Variants in MIPOL1 observed in about 807,000 individuals in gnomAD.
MIPOL1 encodes the protein mirror-image polydactyly 1, also known as mirror-image polydactyly gene 1 protein.
A neutral mutation model predicts 60.9 loss-of-function variants in MIPOL1; 57 were observed. The ratio of observed to expected loss-of-function variants is 0.94; its 90% confidence interval spans 0.76 to 1.17. MIPOL1 has a LOEUF of 1.17. Among genes scored for constraint, MIPOL1 ranks in the 50% most tolerant of loss-of-function variants. The pLI, the probability that MIPOL1 is intolerant of heterozygous loss-of-function variation, is 0.00. For missense variants in MIPOL1, 551 were observed against 511.6 expected, an observed-to-expected ratio of 1.08 and a Z score of -0.74; for synonymous variants, 179 against 168.8, an observed-to-expected ratio of 1.06 and a Z score of -0.47.
chr14:37,411,124 TCAGA>T (rs932144190), intron 10 of MIPOL1, among the ~76,000 whole-genome samples: 6 of 152,104 alleles, frequency 3.9e-5, no homozygotes, highest in Non-Finnish European at 8.8e-5. Flanking sequence ...AAAAAGCATA[TCAGA>T]CAAACACTAT....
intron 1 of MIPOL1, among the ~76,000 whole-genome samples, chr14:37,216,933 A>T (rs2139422168): frequency 6.6e-6 from 1 of 152,294 alleles, no homozygotes; most frequent in East Asian, 1.9e-4. Context: ...TAAAGATCTG[A>T]ATAGAAATAA....
At chr14:37,495,158 T>G (rs893855970) in intron 11 of MIPOL1, among the ~76,000 whole-genome samples, 29 of 151,670 alleles carry the variant, frequency 1.9e-4, no homozygotes, top group Admixed American at 1.7e-3. Context: ...TACTTTAAGT[T>G]TTAGGGTACA....
chr14:37,456,944 G>A (rs923686806), intron 11 of MIPOL1, among the ~76,000 whole-genome samples: 1 of 152,046 alleles, frequency 6.6e-6, no homozygotes, highest in Non-Finnish European at 1.5e-5. Context: ...CTTGAAAATT[G>A]TAACTAATAT....
At chr14:37,280,870 G>A (rs113326097) in intron 6 of MIPOL1, among the ~76,000 whole-genome samples, 4 of 152,170 alleles carry the variant, frequency 2.6e-5, no homozygotes, top group African/African-American at 7.2e-5. Context: ...TGTTGGTCAG[G>A]CTAATTGTTA....
intron 1 of MIPOL1, among the ~76,000 whole-genome samples, chr14:37,224,828 A>G (rs1005597115): frequency 1.3e-5 from 2 of 152,220 alleles, no homozygotes; most frequent in African/African-American, 4.8e-5. Context: ...CCAAAGCCTT[A>G]ACTGTTACAA....
At position 37,308,491 on chromosome 14, in the gene MIPOL1, TAGA is replaced by T; in HGVS notation, c.805_807del (p.Glu269del). ...ACTGCAGAAGAAATGAGTGCACTAA[TAGA>T]AGAACGGGATGCTGCCTTGTCTAAG... On this transcript the variant is annotated inframe_deletion, in exon 9 of 13. Coordinates refer to ENST00000684589, the MANE Select transcript of MIPOL1 (RefSeq NM_001388067.1). 4 of 1,591,846 alleles carry T rather than the reference TAGA, an allele frequency of 2.5e-6. No homozygotes were observed. The highest frequency in any genetic ancestry group is 3.4e-6 in the Non-Finnish European group (4 of 1,171,750).
At chr14:37,476,946 G>A (rs1424484254) in intron 11 of MIPOL1, among the ~76,000 whole-genome samples, 36 of 142,462 alleles carry the variant, frequency 2.5e-4, no homozygotes, top group Non-Finnish European at 3.7e-4. Context: ...TGTCACCCAG[G>A]CTGGAGTGCA....
At chr14:37,511,351 T>C (rs1482250249) in intron 12 of MIPOL1, among the ~76,000 whole-genome samples, 3 of 152,192 alleles carry the variant, frequency 2.0e-5, no homozygotes, top group Non-Finnish European at 2.9e-5. Flanking sequence ...GAATAGCCCA[T>C]TGTGATTTAG....
chr14:37,435,235 C>T (rs1449856527), intron 11 of MIPOL1, among the ~76,000 whole-genome samples: 1 of 152,176 alleles, frequency 6.6e-6, no homozygotes, highest in East Asian at 1.9e-4. Context: ...ACTCCAGCCA[C>T]ACTAGGTTCC....
intron 6 of MIPOL1, chr14:37,278,248 A>G (rs1354408675): frequency 1.3e-5 from 2 of 151,646 alleles, no homozygotes; most frequent in African/African-American, 2.4e-5. Flanking sequence ...GGCATCTACC[A>G]TCTATTTTAA....
In MIPOL1 at chr14:37,273,721, A is replaced by G. The variant is rs1363803359; in HGVS notation, c.493+3196A>G. ...AGTCACATTGATCCAGGTTCAAATTACAGCTTGGATACTTGATATTGATTC... is the reference window on the plus strand; with the variant it reads ...AGTCACATTGATCCAGGTTCAAATTGCAGCTTGGATACTTGATATTGATTC... On this transcript the variant is annotated intron_variant, in intron 6 of 12. Coordinates refer to ENST00000684589, the MANE Select transcript of MIPOL1 (RefSeq NM_001388067.1). Among the ~76,000 whole-genome samples the G allele has an allele frequency of 4.6e-5, 7 of 151,458 alleles. No homozygotes were observed. In the East Asian group the frequency reaches 1.3e-3, roughly 29 times the overall value.
intron 9 of MIPOL1, among the ~76,000 whole-genome samples, chr14:37,355,382 GT>G (rs1437357541): frequency 7.2e-6 from 1 of 138,190 alleles, no homozygotes; most frequent in Non-Finnish European, 1.6e-5. Flanking sequence ...ACAATTATGT[GT>G]CTTGGAGTTG....
At chr14:37,514,425 G>T (rs2153626754) in intron 12 of MIPOL1, among the ~76,000 whole-genome samples, 1 of 152,206 alleles carries the variant, frequency 6.6e-6, no homozygotes, top group East Asian at 1.9e-4. Context: ...AAGGTGAAAA[G>T]GAAGGTGTAG....
intron 11 of MIPOL1, among the ~76,000 whole-genome samples, chr14:37,463,302 A>G (rs2094561200): frequency 6.6e-6 from 1 of 152,156 alleles, no homozygotes; most frequent in Non-Finnish European, 1.5e-5. Context: ...TAACTTAATC[A>G]TGTCCAACCG....
intron 1 of MIPOL1, among the ~76,000 whole-genome samples, chr14:37,200,244 C>G (rs541082409): frequency 6.6e-6 from 1 of 152,354 alleles, no homozygotes; most frequent in South Asian, 2.1e-4. Flanking sequence ...TGTACAGTCT[C>G]TGTTACACAT....
In MIPOL1 at chr14:37,394,182, A is replaced by G. The variant is rs575002611; in HGVS notation, c.936+24558A>G. ...GTTCCACAATTTTTGCAAAAATTGA[A>G]TTCACAAAATTCAAGATTTTGTGAA... On this transcript the variant is annotated intron_variant, in intron 10 of 12. Transcript: ENST00000684589. 4.0e-5 allele frequency among the ~76,000 whole-genome samples: 6 copies of G among 149,732 alleles called. No individual in the cohort carries two copies. In the South Asian group the frequency reaches 1.3e-3, roughly 32 times the overall value.
At chr14:37,232,687 G>C (rs1970821307) in intron 1 of MIPOL1, among the ~76,000 whole-genome samples, 1 of 152,080 alleles carries the variant, frequency 6.6e-6, no homozygotes, top group South Asian at 2.1e-4. Flanking sequence ...GCATTTACTT[G>C]CATGTGTCAC....
intron 7 of MIPOL1, among the ~76,000 whole-genome samples, chr14:37,289,539 TA>T (rs570608278): frequency 7.9e-4 from 120 of 152,284 alleles, no homozygotes; most frequent in Non-Finnish European, 1.4e-3. Flanking sequence ...TTACGTTTAT[TA>T]AAAAGGATAT....
In MIPOL1 at chr14:37,529,953, C is replaced by A. The variant is rs770938143; in HGVS notation, c.1263-16952C>A. On this transcript the variant is annotated intron_variant, in intron 12 of 12. Coordinates refer to ENST00000684589, the MANE Select transcript of MIPOL1 (RefSeq NM_001388067.1). Reference sequence around the variant, plus strand: ...CATTGCAGAGTTTTTAAAGCAGTGGCGATTACTTGATGAAAATAGCATTTT... The same window carrying A: ...CATTGCAGAGTTTTTAAAGCAGTGGAGATTACTTGATGAAAATAGCATTTT... Among the ~76,000 whole-genome samples the A allele has an allele frequency of 9.2e-5, 14 of 152,130 alleles. No individual in the cohort carries two copies. The Middle Eastern group carries it at 0.014, about 148-fold the overall frequency.
Sources: allele counts gnomAD v4.1 joint callset (sites outside exome capture counted in the v4.1 genomes callset), GRCh38; gene constraint gnomAD v4.1.1; transcripts MANE v1.5; gene names NCBI Gene and HGNC (gene_info 2026-07-23, HGNC 2026-07-21).